UGGT2: variants seen among roughly 807,000 people sequenced by gnomAD.
UGGT2 encodes UDP-glucose glycoprotein glucosyltransferase 2.
UGGT2 carries 180 observed loss-of-function variants against 192.1 expected under a neutral mutation model. That is an observed-to-expected ratio of 0.94 (90% CI 0.83 to 1.06). UGGT2 has a LOEUF of 1.06. Among genes scored for constraint, UGGT2 ranks in the 50% least tolerant of loss-of-function variants. The pLI is 0.00. For missense variants in UGGT2, 1,849 were observed against 1,795.7 expected (o/e 1.03, Z -0.54); for synonymous variants, 580 against 591.0 (o/e 0.98, Z 0.27).
chr13:95,900,909 T>A lies in UGGT2; in HGVS notation c.2532A>T (p.Lys844Asn), dbSNP rs994637998. Residue 844 changes from lysine (K) to asparagine (N), a missense_variant, in exon 22 of 39, where the codon AAA (lysine) becomes AAT (asparagine). Physicochemically the swap from Lys to Asn is moderately conservative, Grantham distance 94. Transcript: ENST00000376747. ...AAATATTCACTCCAACAGTATTATA[T>A]TTTTTCTCAAAAGCATTCTTATCCA... ...EGMDKNAFEK[K>N]YNTVGVNIFR... The A allele has an allele frequency of 6.2e-6, 10 of 1,601,358 alleles. No homozygotes were observed. The highest frequency in any genetic ancestry group is 8.5e-6 in the Non-Finnish European group (10 of 1,175,612).
Position 95,902,847 on chromosome 13 carries a change from T to C in UGGT2, c.2502+7A>G, listed in dbSNP as rs763047766. 26 of 1,610,186 alleles carry C rather than the reference T, an allele frequency of 1.6e-5. No individual in the cohort carries two copies. Among genetic ancestry groups the C allele is most frequent in the Non-Finnish European group, 2.2e-5 (26 of 1,177,988 alleles). On this transcript the variant is annotated splice_region_variant and intron_variant, in intron 21 of 38. Coordinates refer to ENST00000376747, the MANE Select transcript of UGGT2 (RefSeq NM_020121.4). ...ATACATATTTAATATTTCAAATAGCTACTGACCTCAATAAGGAATGTTTTA... is the reference window on the plus strand; with the variant it reads ...ATACATATTTAATATTTCAAATAGCCACTGACCTCAATAAGGAATGTTTTA...
chr13:95,850,178 C>T (rs1888894819), intron 36 of UGGT2, among the ~76,000 whole-genome samples: 1 of 152,020 alleles, frequency 6.6e-6, no homozygotes, highest in Non-Finnish European at 1.5e-5. Context: ...ATTTTAGTTG[C>T]TTATGAATAT....
At chr13:96,013,284 C>A (rs2052223015) in intron 5 of UGGT2, 23 bp downstream of exon 5, 2 of 1,529,196 alleles carry the variant, frequency 1.3e-6, no homozygotes, top group East Asian at 2.5e-5. Context: ...CCAAAAGCAA[C>A]CTTGGAAAAA....
At chr13:95,806,525 C>T (rs1164184844) in intron 38 of UGGT2, among the ~76,000 whole-genome samples, 1 of 152,066 alleles carries the variant, frequency 6.6e-6, no homozygotes, top group African/African-American at 2.4e-5. Flanking sequence ...TATCAAAACC[C>T]CAATGACACT....
chr13:95,817,410 C>A (rs1885014847), intron 38 of UGGT2, among the ~76,000 whole-genome samples: 2 of 152,102 alleles, frequency 1.3e-5, no homozygotes, highest in African/African-American at 4.8e-5. Context: ...CATAGCAAGA[C>A]CCTGTCCCTA....
chr13:95,807,716 C>CTCTTTTTTTTTTTTTTTT (rs1884377693), intron 38 of UGGT2, among the ~76,000 whole-genome samples: 1 of 78,706 alleles, frequency 1.3e-5, no homozygotes. Context: ...CAGCCCTCAC[C>CTCTTTTTTTTTTTTTTTT]TTTTTTTTTT....
At chr13:95,895,145 C>G (rs1315819559) in intron 23 of UGGT2, 35 bp downstream of exon 23, 5 of 1,541,078 alleles carry the variant, frequency 3.2e-6, no homozygotes. Context: ...AATACCAAAC[C>G]CAAAATGAAT....
intron 1 of UGGT2, among the ~76,000 whole-genome samples, chr13:96,042,586 A>G (rs1783012435): frequency 6.6e-6 from 1 of 152,134 alleles, no homozygotes; most frequent in Non-Finnish European, 1.5e-5. Context: ...CACCAGAGAA[A>G]GGCAAAGCCC....
intron 20 of UGGT2, among the ~76,000 whole-genome samples, chr13:95,918,598 T>C (rs2048751160): frequency 6.6e-6 from 1 of 151,978 alleles, no homozygotes; most frequent in South Asian, 2.1e-4. Context: ...GACCTGTTTT[T>C]AGAAAAAAAG....
At chr13:95,933,744 G>T (rs948876150) in intron 17 of UGGT2, among the ~76,000 whole-genome samples, 1 of 152,040 alleles carries the variant, frequency 6.6e-6, no homozygotes, top group Admixed American at 6.6e-5. Context: ...TGCAGTGGCT[G>T]TATCTCGGCT....
intron 10 of UGGT2, among the ~76,000 whole-genome samples, chr13:95,982,670 TTC>T (rs1265379223): frequency 6.6e-6 from 1 of 152,092 alleles, no homozygotes; most frequent in Non-Finnish European, 1.5e-5. Context: ...CTGTTCTCCT[TTC>T]TCTTTCTTTT....
intron 10 of UGGT2, among the ~76,000 whole-genome samples, chr13:95,982,636 CT>C (rs2051164192): frequency 6.6e-6 from 1 of 152,120 alleles, no homozygotes; most frequent in Admixed American, 6.5e-5. Context: ...TCAGGTGCCC[CT>C]CTCTCTCATA....
intron 29 of UGGT2, among the ~76,000 whole-genome samples, chr13:95,873,188 A>T (rs1594202263): frequency 6.6e-6 from 1 of 152,254 alleles, no homozygotes; most frequent in East Asian, 1.9e-4. Context: ...GCTGAAACAA[A>T]GCATGAATGC....
intron 5 of UGGT2, 93 bp downstream of exon 5, chr13:96,013,214 G>A: frequency 8.0e-7 from 1 of 1,256,310 alleles, no homozygotes; most frequent in Non-Finnish European, 1.1e-6. Flanking sequence ...AACTATTCTG[G>A]TGAAAATTAA....
chr13:95,930,807 G>T (rs1020312633), intron 17 of UGGT2, among the ~76,000 whole-genome samples: 16 of 152,148 alleles, frequency 1.1e-4, no homozygotes, highest in African/African-American at 3.9e-4. Flanking sequence ...TCCTTCTGAT[G>T]TTCAGATGTG....
chr13:95,949,343 G>C lies in UGGT2; in HGVS notation c.1447C>G (p.His483Asp), dbSNP rs938806415. 5.2e-6 allele frequency: 8 copies of C among 1,539,202 alleles called. No individual in the cohort carries two copies. The highest frequency in any genetic ancestry group is 7.0e-6 in the Non-Finnish European group (8 of 1,144,512). ...GSVPSIRRNFHNLVLFIDPAQ... is the reference protein window; with the variant it reads ...GSVPSIRRNFDNLVLFIDPAQ... The stretch of plus-strand genomic sequence containing the variant: ...CAAAATATAAAACTCACCAAATTAT[G>C]AAAATTGCGCCTTATGGAAGGTACA... The change falls in exon 13 of 39, where the codon CAT becomes GAT. Residue 483 changes from histidine to aspartate, a missense_variant. His to Asp is a moderately conservative substitution (Grantham distance 81). Transcript: ENST00000376747.
chr13:95,978,180 A>G (rs1308387085), intron 10 of UGGT2, among the ~76,000 whole-genome samples: 3 of 152,132 alleles, frequency 2.0e-5, no homozygotes, highest in Non-Finnish European at 4.4e-5. Flanking sequence ...CCCAGAACTT[A>G]AAGTAAAATT....
intron 5 of UGGT2, among the ~76,000 whole-genome samples, chr13:96,005,152 T>A (rs1202844826): frequency 4.6e-5 from 7 of 152,200 alleles, no homozygotes; most frequent in Non-Finnish European, 8.8e-5. Context: ...ATTTTTAGGC[T>A]TTTTGTATTA....
At chr13:95,844,059 C>T (rs1226965874) in intron 36 of UGGT2, among the ~76,000 whole-genome samples, 2 of 152,044 alleles carry the variant, frequency 1.3e-5, no homozygotes, top group Non-Finnish European at 2.9e-5. Flanking sequence ...CTCCTGGGTT[C>T]AAGTGATTCT....
Sources: gnomAD v4.1 joint callset for allele counts (sites outside exome capture counted in the v4.1 genomes callset) on GRCh38, gnomAD v4.1.1 for gene constraint, MANE v1.5 for transcripts, NCBI Gene and HGNC (gene_info 2026-07-23, HGNC 2026-07-21) for gene names.